BTRC: variants seen among roughly 807,000 people sequenced by gnomAD.
The protein encoded by BTRC is F-box/WD repeat-containing protein 1A.
In BTRC, 42 loss-of-function variants were observed where a neutral mutation model predicts 85.5. That is an observed-to-expected ratio of 0.49 (90% confidence interval 0.38 to 0.64). The LOEUF is 0.64. Ranked by LOEUF, BTRC falls within the 30% of genes least tolerant of loss-of-function variation. The probability of loss-of-function intolerance (pLI) is 0.00; values close to 1 mark genes in which losing one functional copy is unlikely to be tolerated. For missense variants in BTRC, 594 were observed against 743.5 expected, an observed-to-expected ratio of 0.80 and a Z score of 2.34; for synonymous variants, 255 against 263.3, an observed-to-expected ratio of 0.97 and a Z score of 0.30.
intron 1 of BTRC, among the ~76,000 whole-genome samples, chr10:101,395,955 T>G (rs1303382453): frequency 1.3e-5 from 2 of 152,142 alleles, no homozygotes; most frequent in African/African-American, 4.8e-5. Context: ...TAGGTATTTT[T>G]TATATGATGG....
In BTRC at chr10:101,542,432, A is replaced by G. The variant is rs551544992; in HGVS notation, c.1656+4061A>G. ...ATCCCAAAAAATGTCAATTAAGTCA[A>G]GTTGGTTTATAATATTCAGGTCTTC... On this transcript the variant is annotated intron_variant, in intron 13 of 14. Transcript: ENST00000370187. 2.0e-5 allele frequency among the ~76,000 whole-genome samples: 3 copies of G among 152,316 alleles called. No individual in the cohort carries two copies. The East Asian group carries it at 5.8e-4, about 29-fold the overall frequency.
intron 1 of BTRC, 89 bp downstream of exon 1, chr10:101,354,317 G>T: frequency 3.5e-6 from 5 of 1,438,242 alleles, no homozygotes; most frequent in Non-Finnish European, 3.8e-6. Context: ...GCGGGACCGG[G>T]CAGCGGGACC....
intron 1 of BTRC, among the ~76,000 whole-genome samples, chr10:101,367,971 G>C (rs1015751618): frequency 3.3e-5 from 5 of 152,084 alleles, no homozygotes; most frequent in African/African-American, 1.2e-4. Context: ...GAATGGAATC[G>C]CTGGGTCACA....
chr10:101,549,713 CAAAAA>C (rs755481178), intron 13 of BTRC, among the ~76,000 whole-genome samples: 44 of 42,770 alleles, frequency 1.0e-3, no homozygotes, highest in South Asian at 5.0e-3. Context: ...GACTCTGTCT[CAAAAA>C]AAAAAAAAAA....
chr10:101,520,284 C>A (rs2062085276), intron 4 of BTRC, among the ~76,000 whole-genome samples: 1 of 151,988 alleles, frequency 6.6e-6, no homozygotes, highest in Admixed American at 6.6e-5. Flanking sequence ...GCTGGGATTA[C>A]AGGTGTGTTC....
chr10:101,471,419 T>A (rs2134198318), intron 3 of BTRC, among the ~76,000 whole-genome samples: 1 of 152,048 alleles, frequency 6.6e-6, no homozygotes. Flanking sequence ...GATAACTACT[T>A]TTTTTTTCAT....
intron 2 of BTRC, among the ~76,000 whole-genome samples, chr10:101,433,963 AAAATT>A (rs1944463684): frequency 6.6e-6 from 1 of 152,204 alleles, no homozygotes; most frequent in Admixed American, 6.5e-5. Flanking sequence ...TTAAGAAAAA[AAAATT>A]AAATATTCTT....
At chr10:101,395,740 G>T (rs1277858409) in intron 1 of BTRC, among the ~76,000 whole-genome samples, 1 of 152,010 alleles carries the variant, frequency 6.6e-6, no homozygotes, top group African/African-American at 2.4e-5. Flanking sequence ...TATCTCAGCT[G>T]TGATTAAAAT....
In BTRC at chr10:101,444,898, C is replaced by T. The variant is rs550812728; in HGVS notation, c.156+14446C>T. On this transcript the variant is annotated intron_variant, in intron 2 of 14. Transcript: ENST00000370187. ...GGTGTGGAGTAGTCTAACCACCCTC[C>T]CTCATTTTGTTAGGTTTTATTAGTG... is the stretch of plus-strand genomic sequence containing the variant. Among the ~76,000 whole-genome samples the T allele has an allele frequency of 2.6e-5, 4 of 152,268 alleles. No homozygotes were observed. In the East Asian group the frequency reaches 7.7e-4, roughly 29 times the overall value.
At chr10:101,529,931 G>A (rs891220146) in intron 6 of BTRC, among the ~76,000 whole-genome samples, 6 of 152,162 alleles carry the variant, frequency 3.9e-5, no homozygotes, top group African/African-American at 9.7e-5. Flanking sequence ...TGCAAGGCAC[G>A]GTGCCAGTGA....
intron 4 of BTRC, among the ~76,000 whole-genome samples, chr10:101,494,359 A>G (rs1385610097): frequency 1.3e-5 from 2 of 152,248 alleles, no homozygotes; most frequent in Non-Finnish European, 2.9e-5. Flanking sequence ...TTCATTTCAT[A>G]TGCTAAAAAA....
chr10:101,524,895 G>A (rs558314963), intron 5 of BTRC, among the ~76,000 whole-genome samples: 1 of 152,286 alleles, frequency 6.6e-6, no homozygotes, highest in South Asian at 2.1e-4. Flanking sequence ...CTGCTGAAAA[G>A]TGTGACTGAT....
intron 4 of BTRC, among the ~76,000 whole-genome samples, chr10:101,501,178 A>G (rs1025185095): frequency 7.1e-6 from 1 of 141,626 alleles, no homozygotes; most frequent in African/African-American, 2.5e-5. Flanking sequence ...ACAGAGTGAG[A>G]CTGCGTCTCA....
intron 1 of BTRC, among the ~76,000 whole-genome samples, chr10:101,429,119 C>G (rs1270326446): frequency 2.0e-5 from 3 of 152,044 alleles, no homozygotes; most frequent in Non-Finnish European, 4.4e-5. Flanking sequence ...TTTAATGTTA[C>G]CTATATTGAC....
chr10:101,550,176 G>A (rs2062627743), intron 13 of BTRC, among the ~76,000 whole-genome samples: 1 of 152,162 alleles, frequency 6.6e-6, no homozygotes, highest in African/African-American at 2.4e-5. Context: ...ATGCTATTTA[G>A]CATGTCTTGG....
intron 1 of BTRC, among the ~76,000 whole-genome samples, chr10:101,423,369 T>A (rs1313284741): frequency 6.6e-6 from 1 of 152,250 alleles, no homozygotes; most frequent in Non-Finnish European, 1.5e-5. Flanking sequence ...GTTATACAGA[T>A]GCAGCTTGTT....
At chr10:101,537,338 GC>G (rs2062401412) in intron 12 of BTRC, among the ~76,000 whole-genome samples, 1 of 152,084 alleles carries the variant, frequency 6.6e-6, no homozygotes, top group South Asian at 2.1e-4. Flanking sequence ...GACCAGCCTG[GC>G]CAACATGGCA....
chr10:101,412,266 T>C (rs1943800885), intron 1 of BTRC, among the ~76,000 whole-genome samples: 1 of 152,248 alleles, frequency 6.6e-6, no homozygotes, highest in African/African-American at 2.4e-5. Context: ...TAATTCTTTT[T>C]AGCCTTCATG....
At chr10:101,405,775 A>G (rs1943604997) in intron 1 of BTRC, among the ~76,000 whole-genome samples, 1 of 152,184 alleles carries the variant, frequency 6.6e-6, no homozygotes. Flanking sequence ...CTTCTAGTTA[A>G]TTATCCTTTT....
Sources: allele counts gnomAD v4.1 joint callset (sites outside exome capture counted in the v4.1 genomes callset), GRCh38; gene constraint gnomAD v4.1.1; transcripts MANE v1.5; gene names NCBI Gene and HGNC (gene_info 2026-07-23, HGNC 2026-07-21).